The following LARP4B variants were observed in gnomAD, a reference collection of about 807,000 sequenced individuals.
LARP4B encodes la-related protein 4B.
Under a neutral mutation model 89.8 loss-of-function variants are expected in LARP4B, and 12 were observed. The observed-to-expected ratio is 0.13, with a 90% confidence interval of 0.09 to 0.22. The LOEUF (loss-of-function observed/expected upper bound fraction) is 0.22, where lower values mean the gene tolerates loss of function less well. LARP4B is among the 10% of genes least tolerant of loss of function. LARP4B has a pLI of 1.00. For missense variants in LARP4B, 757 were observed against 947.7 expected (o/e 0.80, Z 2.64); for synonymous variants, 367 against 363.3 (o/e 1.01, Z -0.12).
chr10:985,005 C>T, the LARP4B span, among the ~76,000 whole-genome samples: 10 of 152,194 alleles, frequency 6.6e-5, no homozygotes, highest in South Asian at 2.1e-4. Flanking sequence ...AAGCCACTCT[C>T]GGCTGGCAGT....
chr10:966,611 G>A, the LARP4B span, among the ~76,000 whole-genome samples: 2,951 of 152,338 alleles, frequency 0.019, 113 homozygotes, highest in African/African-American at 0.066. Context: ...GCTCAAACCC[G>A]AGAGGCACAG....
At chr10:876,765 C>T (rs1229004330) in intron 3 of LARP4B, among the ~76,000 whole-genome samples, 1 of 152,140 alleles carries the variant, frequency 6.6e-6, no homozygotes, top group African/African-American at 2.4e-5. Context: ...GCAGGTTCAA[C>T]TCCAAATTTC....
intron 1 of LARP4B, among the ~76,000 whole-genome samples, chr10:930,738 C>T (rs1460298254): frequency 6.6e-6 from 1 of 152,186 alleles, no homozygotes; most frequent in Non-Finnish European, 1.5e-5. Context: ...TCCACCTCTG[C>T]TCAAGTCTAT....
the LARP4B span, among the ~76,000 whole-genome samples, chr10:978,628 T>C: frequency 6.6e-6 from 1 of 152,212 alleles, no homozygotes; most frequent in Non-Finnish European, 1.5e-5. Flanking sequence ...ATCAGTACTT[T>C]ACCCTAGTTC....
At chr10:824,865 T>C (rs768971909) in intron 13 of LARP4B, among the ~76,000 whole-genome samples, 200 bp downstream of exon 13, 9 of 152,230 alleles carry the variant, frequency 5.9e-5, no homozygotes, top group Non-Finnish European at 1.3e-4. Flanking sequence ...CTAAAACAAC[T>C]ACAGTTCTCA....
intron 13 of LARP4B, among the ~76,000 whole-genome samples, chr10:821,929 A>T (rs1832371831): frequency 6.6e-6 from 1 of 152,170 alleles, no homozygotes; most frequent in Non-Finnish European, 1.5e-5. Flanking sequence ...CAGGTGGGGC[A>T]TGAGTCCTGA....
At chr10:835,864 T>G (rs529946475) in intron 8 of LARP4B, among the ~76,000 whole-genome samples, 224 of 150,532 alleles carry the variant, frequency 1.5e-3, no homozygotes, top group African/African-American at 5.2e-3. Context: ...GCCTGGGAGA[T>G]GGAGTTTGCA....
the LARP4B span, chr10:987,908 GCCT>G: frequency 6.6e-6 from 1 of 152,426 alleles, no homozygotes; most frequent in African/African-American, 2.4e-5. Flanking sequence ...AGCCGCGAGG[GCCT>G]CCTCACCACG....
rs1404136980 is a variant in LARP4B at position 825,433 on chromosome 10, A to C, written c.1233-117T>G. The C allele has an allele frequency of 9.7e-6, 10 of 1,032,358 alleles. No individual in the cohort carries two copies. The South Asian group carries it at 1.6e-4, about 16-fold the overall frequency. The allele number at this position is 1,032,358 out of a possible 1,614,324, so 63.9% of individuals were successfully genotyped here. On this transcript the variant is annotated intron_variant, in intron 12 of 17. Transcript: ENST00000316157. Reference sequence around the variant, plus strand: ...CTGCTCTCTGTTTAATAAAGTATAAAAATAGGATTTGGAATGGTTAACTCC... The same window carrying C: ...CTGCTCTCTGTTTAATAAAGTATAACAATAGGATTTGGAATGGTTAACTCC...
At chr10:963,828 A>G in the LARP4B span, among the ~76,000 whole-genome samples, 1 of 152,228 alleles carries the variant, frequency 6.6e-6, no homozygotes, top group Non-Finnish European at 1.5e-5. Flanking sequence ...CACAGGCTCA[A>G]AGTTGCATCA....
chr10:958,450 T>C, the LARP4B span, among the ~76,000 whole-genome samples: 1 of 152,200 alleles, frequency 6.6e-6, no homozygotes, highest in Non-Finnish European at 1.5e-5. Context: ...TGTTTAAGCA[T>C]CCTGCAGCCT....
chr10:952,339 C>CA, the LARP4B span, among the ~76,000 whole-genome samples: 5,278 of 16,848 alleles, frequency 0.31, 1,502 homozygotes, highest in Non-Finnish European at 0.37. Context: ...GACTCCATCT[C>CA]AAAAAAAAAA....
In LARP4B at chr10:829,579, T is replaced by A; in HGVS notation, c.931A>T (p.Lys311Ter). The change falls in exon 11 of 18, where the codon AAG becomes TAG. Residue 311 changes from lysine to a stop codon, truncating the protein, a stop_gained. Coordinates refer to ENST00000316157, the MANE Select transcript of LARP4B (RefSeq NM_015155.3). LOFTEE classifies it high-confidence loss of function. ...GKPIKARIKA[K>*]AIAINTFLPK... Reference sequence around the variant, plus strand: ...AAAAATGTGTTTATAGCTATTGCCTTTGCTTTTATCCGTGCCTGTTTGAAA... The same window carrying A: ...AAAAATGTGTTTATAGCTATTGCCTATGCTTTTATCCGTGCCTGTTTGAAA... 6.2e-7 allele frequency: 1 copy of A among 1,614,136 alleles called. No individual in the cohort carries two copies. Among genetic ancestry groups the A allele is most frequent in the Non-Finnish European group, 8.5e-7 (1 of 1,180,006 alleles).
the LARP4B span, among the ~76,000 whole-genome samples, chr10:965,440 C>A: frequency 2.6e-5 from 4 of 152,132 alleles, no homozygotes; most frequent in African/African-American, 7.2e-5. Flanking sequence ...CCGCTCCCCC[C>A]CGTTTCTCGG....
chr10:844,899 T>G, intron 6 of LARP4B, 78 bp downstream of exon 6: 1 of 1,048,840 alleles, frequency 9.5e-7, no homozygotes, highest in East Asian at 2.4e-5. Flanking sequence ...CTTCATAAAA[T>G]ATCACATTTG....
At chr10:913,394 C>T (rs1327042115) in intron 1 of LARP4B, among the ~76,000 whole-genome samples, 1 of 152,166 alleles carries the variant, frequency 6.6e-6, no homozygotes, top group Admixed American at 6.5e-5. Context: ...TTAAAGAAAA[C>T]ACAAGTGCTT....
chr10:976,514 T>TCA, the LARP4B span, among the ~76,000 whole-genome samples: 1 of 139,654 alleles, frequency 7.2e-6, no homozygotes, highest in South Asian at 2.3e-4. Context: ...GGTAGGCCTG[T>TCA]TGCGTAATGT....
intron 5 of LARP4B, among the ~76,000 whole-genome samples, chr10:851,046 C>T (rs1315534319): frequency 6.6e-6 from 1 of 152,024 alleles, no homozygotes; most frequent in African/African-American, 2.4e-5. Flanking sequence ...GCTCTGCTTC[C>T]ACCTTAGGAC....
downstream of LARP4B, chr10:809,033 G>A (rs1020564476): frequency 2.6e-5 from 4 of 152,092 alleles, no homozygotes; most frequent in Non-Finnish European, 4.4e-5. Context: ...ATGGGAAGAC[G>A]ACATGAAAAG....
Sources: gnomAD v4.1 joint callset for allele counts (sites outside exome capture counted in the v4.1 genomes callset) on GRCh38, gnomAD v4.1.1 for gene constraint, MANE v1.5 for transcripts, NCBI Gene and HGNC (gene_info 2026-07-23, HGNC 2026-07-21) for gene names.